IQSEC3: variants seen among roughly 807,000 people sequenced by gnomAD.
IQSEC3 encodes IQ motif and SEC7 domain-containing protein 3.
Under a neutral mutation model 105.4 loss-of-function variants are expected in IQSEC3, and 50 were observed. That is an observed-to-expected ratio of 0.47 (90% CI 0.38 to 0.60). IQSEC3 has a LOEUF of 0.60. Among genes scored for constraint, IQSEC3 ranks in the 20% least tolerant of loss-of-function variants. IQSEC3 has a pLI of 0.00. For missense variants in IQSEC3, 1,415 were observed against 1,630.0 expected, an observed-to-expected ratio of 0.87 and a Z score of 2.27; for synonymous variants, 708 against 746.0, an observed-to-expected ratio of 0.95 and a Z score of 0.83.
chr12:155,643 C>T (rs570707439), intron 5 of IQSEC3, among the ~76,000 whole-genome samples: 1 of 152,158 alleles, frequency 6.6e-6, no homozygotes, highest in Non-Finnish European at 1.5e-5. Context: ...TCCAAGTCTT[C>T]TAGGCAGTGG....
chr12:77,913 G>C (rs1242546864), intron 1 of IQSEC3, among the ~76,000 whole-genome samples: 1 of 151,596 alleles, frequency 6.6e-6, no homozygotes, highest in South Asian at 2.1e-4. Context: ...CGGGCCGGCT[G>C]GCAGCCGGCA....
At chr12:103,610 A>C (rs868919952) in intron 2 of IQSEC3, among the ~76,000 whole-genome samples, 5 of 3,038 alleles carry the variant, frequency 1.6e-3, no homozygotes, top group Admixed American at 6.2e-3. Flanking sequence ...GGGGCTCAGG[A>C]GGGAGAGGTG....
chr12:171,917 T>C (rs905116549), intron 13 of IQSEC3, among the ~76,000 whole-genome samples: 38 of 152,050 alleles, frequency 2.5e-4, no homozygotes, highest in African/African-American at 8.2e-4. Context: ...CAGCAGCTGG[T>C]CCCTGCCAAA....
Position 152,167 on chromosome 12 carries a change from C to T in IQSEC3, c.2154-4858C>T, listed in dbSNP as rs147123503. On this transcript the variant is annotated intron_variant, in intron 5 of 13. Coordinates refer to ENST00000538872, the MANE Select transcript of IQSEC3 (RefSeq NM_001170738.2). This position sits in a 1 kb window ranked among gnomAD's most constrained non-coding sequence, Gnocchi z 4.8. ...GTCAACCAGCCACTGCCACAGGGCA[C>T]AAAAAGCACCAGAAAGGGGAAGGCA... Among the ~76,000 whole-genome samples, 14 of 152,068 alleles carry T rather than the reference C, an allele frequency of 9.2e-5. No homozygotes were observed. Among genetic ancestry groups the T allele is most frequent in the Non-Finnish European group, 1.3e-4 (9 of 68,014 alleles).
intron 5 of IQSEC3, chr12:149,307 T>A (rs1555091952): frequency 6.6e-6 from 1 of 152,260 alleles, no homozygotes; most frequent in Non-Finnish European, 1.5e-5. Flanking sequence ...CTCACTCACT[T>A]GCATGTGCAG....
rs1863108012 is a variant in IQSEC3 at position 66,898 on chromosome 12, G to C, written c.16G>C (p.Glu6Gln). The change falls in exon 1 of 14, where the codon GAG becomes CAG. Residue 6 changes from glutamate to glutamine, a missense_variant. Physicochemically the swap from Glu to Gln is conservative, Grantham distance 29. Around this residue, in one of 6 missense-constraint regions of IQSEC3, gnomAD observed 34 missense variants for 80.3 expected, o/e 0.42. Coordinates refer to ENST00000538872, the MANE Select transcript of IQSEC3 (RefSeq NM_001170738.2). ...GGCGGGCGGCATGGAGAGCCTGCTG[G>C]AGAATCCGGTGCGCGCCGTGCTCTA... MESLLENPVRAVLYLK... is the reference protein window; with the variant it reads MESLLQNPVRAVLYLK... 4 of 1,480,552 alleles carry C rather than the reference G, an allele frequency of 2.7e-6. No homozygotes were observed. Among genetic ancestry groups the C allele is most frequent in the African/African-American group, 2.9e-5 (2 of 68,558 alleles). 91.7% of individuals were successfully genotyped at this position (1,480,552 alleles called of 1,614,324 possible).
At chr12:82,490 G>A (rs1361808632) in intron 1 of IQSEC3, among the ~76,000 whole-genome samples, 1 of 152,190 alleles carries the variant, frequency 6.6e-6, no homozygotes, top group African/African-American at 2.4e-5. Flanking sequence ...CTTTAAGATG[G>A]GAGAAGTCAT....
Position 139,225 on chromosome 12 carries a change from C to A in IQSEC3, c.1862C>A (p.Ala621Asp), listed in dbSNP as rs1555088291. The A allele has an allele frequency of 6.2e-7, 1 of 1,605,242 alleles. No homozygotes were observed. The highest frequency in any genetic ancestry group is 8.5e-7 in the Non-Finnish European group (1 of 1,177,174). ...GCGTCGGCCTCCGCCTCCAAGGACG[C>A]CCTGCAGGCCATGATCCTGAGCCTG... Reference protein sequence around the residue: ...SEASASASKDALQAMILSLPR... With the variant: ...SEASASASKDDLQAMILSLPR... The change falls in exon 4 of 14, where the codon GCC becomes GAC. Residue 621 changes from alanine to aspartate, a missense_variant. Ala to Asp is a moderately radical substitution (Grantham distance 126). This residue lies in a region of IQSEC3 where 720 missense variants were observed against 633.0 expected (regional missense o/e 1.14). Coordinates refer to ENST00000538872, the MANE Select transcript of IQSEC3 (RefSeq NM_001170738.2).
At chr12:69,739 C>T (rs1464078297) in intron 1 of IQSEC3, among the ~76,000 whole-genome samples, 1 of 152,268 alleles carries the variant, frequency 6.6e-6, no homozygotes, top group African/African-American at 2.4e-5. Flanking sequence ...TTTCTTTCCC[C>T]ACAGTGGCCC....
intron 1 of IQSEC3, among the ~76,000 whole-genome samples, chr12:67,638 A>G (rs1327887323): frequency 3.2e-4 from 47 of 145,450 alleles, no homozygotes; most frequent in Non-Finnish European, 4.9e-4. Flanking sequence ...GGAATGCTGG[A>G]GCAAAAAGGA....
Position 99,198 on chromosome 12 carries a change from G to C in IQSEC3, c.607G>C (p.Asp203His). 1.3e-6 allele frequency: 2 copies of C among 1,598,738 alleles called. No individual in the cohort carries two copies. Among genetic ancestry groups the C allele is most frequent in the South Asian group, 2.2e-5 (2 of 90,912 alleles). The change falls in exon 2 of 14, where the codon GAC becomes CAC. Residue 203 changes from aspartate to histidine, a missense_variant. Around this residue, in one of 6 missense-constraint regions of IQSEC3, gnomAD observed 720 missense variants for 633.0 expected, o/e 1.14. Transcript: ENST00000538872. ...FCCPAADACS[D>H]LASQSDGSCT... ...CTGCCCAGCCGCCGACGCCTGCTCCGACCTGGCCTCCCAAAGGTGGGAACT... is the reference window on the plus strand; with the variant it reads ...CTGCCCAGCCGCCGACGCCTGCTCCCACCTGGCCTCCCAAAGGTGGGAACT...
rs372422015 is a variant in IQSEC3, at chr12:85,400, G to A, written c.555-13746G>A. ...AGGGAAGCTGGCAGGATGCAGCCAC[G>A]GGCCCAGCTCTGCAATTCATGCTGT... On this transcript the variant is annotated intron_variant, in intron 1 of 13. Transcript: ENST00000538872. Among the ~76,000 whole-genome samples, 6 of 152,350 alleles carry A rather than the reference G, an allele frequency of 3.9e-5. No homozygotes were observed. In the South Asian group the frequency reaches 1.0e-3, roughly 26 times the overall value.
chr12:80,887 A>G (rs1407871270), intron 1 of IQSEC3, among the ~76,000 whole-genome samples: 1 of 152,196 alleles, frequency 6.6e-6, no homozygotes, highest in African/African-American at 2.4e-5. Flanking sequence ...TCCTGGCAGG[A>G]CAAACAGCTA....
intron 2 of IQSEC3, among the ~76,000 whole-genome samples, chr12:121,995 C>T (rs868951114): frequency 1.6e-4 from 25 of 152,198 alleles, no homozygotes; most frequent in Admixed American, 7.9e-4. Flanking sequence ...TTGCCCTCCA[C>T]GATGTTATCT....
At chr12:68,323 T>A (rs1555066595) in intron 1 of IQSEC3, among the ~76,000 whole-genome samples, 1 of 152,230 alleles carries the variant, frequency 6.6e-6, no homozygotes, top group East Asian at 1.9e-4. Flanking sequence ...GGTATTCAGA[T>A]GCCATGCCTG....
chr12:104,286 A>T (rs1555077264), intron 2 of IQSEC3, among the ~76,000 whole-genome samples: 2 of 152,136 alleles, frequency 1.3e-5, no homozygotes, highest in Non-Finnish European at 2.9e-5. Context: ...TCCTACACAC[A>T]ACGTCTTTTC....
intron 3 of IQSEC3, among the ~76,000 whole-genome samples, chr12:130,662 C>T (rs1407274301): frequency 4.6e-5 from 7 of 152,196 alleles, no homozygotes; most frequent in Admixed American, 3.9e-4. Flanking sequence ...ACCTGGCTGC[C>T]CACTCCCAGG....
At chr12:165,979 G>A in intron 11 of IQSEC3, 89 bp downstream of exon 11, 2 of 1,478,698 alleles carry the variant, frequency 1.4e-6, no homozygotes, top group Non-Finnish European at 9.2e-7. Context: ...CTGACTCCAG[G>A]GAGCTGGCCC....
chr12:67,849 G>A (rs1241482129), intron 1 of IQSEC3, among the ~76,000 whole-genome samples: 1 of 152,162 alleles, frequency 6.6e-6, no homozygotes, highest in Admixed American at 6.5e-5. Flanking sequence ...AAAAGTATTT[G>A]CATGGAGACT....
Sources: gnomAD v4.1 joint callset for allele counts (sites outside exome capture counted in the v4.1 genomes callset) on GRCh38, gnomAD v4.1.1 for gene constraint, gnomAD v4.1.1 regional missense constraint, Gnocchi (gnomAD v3.1) non-coding constraint, MANE v1.5 for transcripts, NCBI Gene and HGNC (gene_info 2026-07-23, HGNC 2026-07-21) for gene names.